The following TAF1 variants were observed in gnomAD, a reference collection of about 807,000 sequenced individuals.
TAF1 encodes TATA-box binding protein associated factor 1.
A neutral mutation model predicts 138.5 loss-of-function variants in TAF1; 2 were observed. The ratio of observed to expected loss-of-function variants is 0.01; its 90% CI spans 0.01 to 0.05. The LOEUF is 0.05. TAF1 is among the 10% of genes least tolerant of loss of function. The probability of loss-of-function intolerance (pLI) is 1.00; values close to 1 mark genes in which losing one functional copy is unlikely to be tolerated. For synonymous variants in TAF1, 437 were observed against 503.2 expected, an observed-to-expected ratio of 0.87 and a Z score of 1.76; for missense variants, 709 against 1,478.0, an observed-to-expected ratio of 0.48 and a Z score of 8.53.
chrX:71,396,480 A>G (rs1480797669), intron 22 of TAF1, among the ~76,000 whole-genome samples: 6 of 107,312 alleles, frequency 5.6e-5, no homozygotes, highest in African/African-American at 2.0e-4. Context: ...ATTTGTAGAG[A>G]CAGTGTCTTC....
chrX:71,380,810 C>G (rs111834675), intron 8 of TAF1, among the ~76,000 whole-genome samples: 1,243 of 111,703 alleles, frequency 0.011, 15 homozygotes, highest in South Asian at 0.027. Flanking sequence ...TGTGCTTCAG[C>G]CTCCCGAGTA....
At chrX:71,419,266 T>TA (rs888928068) in intron 28 of TAF1, among the ~76,000 whole-genome samples, 3 of 108,722 alleles carry the variant, frequency 2.8e-5, no homozygotes, top group African/African-American at 1.0e-4. Context: ...TCGCACGTAT[T>TA]AAAAAAAAAT....
intron 13 of TAF1, among the ~76,000 whole-genome samples, chrX:71,484,437 A>T (rs2147519297): frequency 9.3e-6 from 1 of 107,959 alleles, no homozygotes; most frequent in African/African-American, 3.4e-5. Flanking sequence ...GGTTCAAGTG[A>T]TTCTCCTGCC....
intron 37 of TAF1, chrX:71,461,031 A>G: frequency 7.1e-6 from 3 of 419,800 alleles, no homozygotes; most frequent in Non-Finnish European, 1.2e-5. Flanking sequence ...TACAAATACA[A>G]TGTGATAAGT....
intron 24 of TAF1, among the ~76,000 whole-genome samples, chrX:71,400,207 AG>A (rs2035105341): frequency 9.1e-6 from 1 of 109,470 alleles, no homozygotes; most frequent in Non-Finnish European, 1.9e-5. Context: ...TTCGTGCCTC[AG>A]CCTCCCGAGT....
intron 13 of TAF1, among the ~76,000 whole-genome samples, chrX:71,525,259 C>T (rs1602119178): frequency 1.8e-5 from 2 of 111,048 alleles, no homozygotes; most frequent in African/African-American, 6.6e-5. Context: ...CCAGGCTGAT[C>T]TGGAAACCCT....
intron 28 of TAF1, among the ~76,000 whole-genome samples, chrX:71,410,708 C>T (rs750289958): frequency 7.2e-5 from 8 of 110,575 alleles, no homozygotes; most frequent in Non-Finnish European, 1.1e-4. Context: ...CCACTCGCCT[C>T]GGCCTCCCAA....
At chrX:71,422,199 T>G (rs1378008460) in intron 29 of TAF1, among the ~76,000 whole-genome samples, 1 of 111,898 alleles carries the variant, frequency 8.9e-6, no homozygotes, top group Non-Finnish European at 1.9e-5. Context: ...AGATGTTTTT[T>G]TGTGTGTGTG....
Position 71,375,275 on chromosome X carries a change from C to T in TAF1, c.461C>T (p.Ser154Phe), listed in dbSNP as rs1288006620. ...ATGAAGAAGGATAAGGACCAGGATT[C>T]TATTACTGGTGGTAAGTAGAGATTG... Reference protein sequence around the residue: ...GPMKKDKDQDSITGVSENGEG... With the variant: ...GPMKKDKDQDFITGVSENGEG... Residue 154 changes from serine (S) to phenylalanine (F), a missense_variant, in exon 4 of 38, where the codon TCT becomes TTT. By Grantham distance (155) the Ser-to-Phe change is radical. This residue lies in a region of TAF1 where 123 missense variants were observed against 161.6 expected (regional missense o/e 0.76). Coordinates refer to ENST00000423759, the MANE Select transcript of TAF1 (RefSeq NM_004606.5). 1 of 1,208,633 alleles carries T rather than the reference C, an allele frequency of 8.3e-7. No individual in the cohort carries two copies. Among genetic ancestry groups the T allele is most frequent in the African/African-American group, 1.7e-5 (1 of 57,560 alleles).
chrX:71,378,964 T>C lies in TAF1; in HGVS notation c.1293T>C (p.Arg431=). 1 of 1,211,417 alleles carries C rather than the reference T, an allele frequency of 8.3e-7. No individual in the cohort carries two copies. The highest frequency in any genetic ancestry group is 3.0e-5 in the East Asian group (1 of 33,824). The stretch of plus-strand genomic sequence containing the variant: ...AACACAAAGGGACAAAACCTCAGCG[T>C]GCAAGCCTGGCAGGCTGGCTTCCTT... ...DVKHKGTKPQ[R]ASLAGWLPSS... The change falls in exon 8 of 38, where the codon CGT becomes CGC. Residue 431 remains arginine (R), a synonymous_variant. Transcript: ENST00000423759.
intron 32 of TAF1, among the ~76,000 whole-genome samples, chrX:71,433,561 G>A (rs747694957): frequency 2.7e-5 from 3 of 111,184 alleles, no homozygotes; most frequent in South Asian, 7.4e-4. Context: ...TGAGTATCCA[G>A]TGTTGCTAGA....
chrX:71,445,159 G>A (rs1008554433), intron 32 of TAF1, among the ~76,000 whole-genome samples: 2 of 109,774 alleles, frequency 1.8e-5, no homozygotes, highest in Non-Finnish European at 1.9e-5. Flanking sequence ...AATTAGGTGG[G>A]TGTGGTGGTG....
intron 13 of TAF1, among the ~76,000 whole-genome samples, chrX:71,502,828 C>T (rs1183757299): frequency 9.0e-6 from 1 of 110,504 alleles, no homozygotes; most frequent in Non-Finnish European, 1.9e-5. Context: ...GTTCCAGCTA[C>T]CTGGGAGGCT....
chrX:71,493,848 T>C (rs190458091), intron 13 of TAF1, among the ~76,000 whole-genome samples: 1 of 111,331 alleles, frequency 9.0e-6, no homozygotes, highest in East Asian at 2.8e-4. Flanking sequence ...ATTTTAAACA[T>C]TAGTTAGGCT....
chrX:71,434,519 A>G (rs771796793), intron 32 of TAF1, among the ~76,000 whole-genome samples: 1 of 112,006 alleles, frequency 8.9e-6, no homozygotes, highest in South Asian at 3.7e-4. Flanking sequence ...ACTATATTGT[A>G]TATAGCCAGA....
chrX:71,503,328 G>GTGTA (rs1205305561), intron 13 of TAF1, among the ~76,000 whole-genome samples: 17 of 88,814 alleles, frequency 1.9e-4, no homozygotes, highest in African/African-American at 7.9e-4. Context: ...ATATGTGTGT[G>GTGTA]TATATATATA....
At chrX:71,508,015 AATAG>A (rs1302013204) in intron 13 of TAF1, among the ~76,000 whole-genome samples, 9 of 104,293 alleles carry the variant, frequency 8.6e-5, no homozygotes, top group Non-Finnish European at 1.6e-4. Flanking sequence ...ATAATACATA[AATAG>A]ATAGATATAG....
intron 32 of TAF1, among the ~76,000 whole-genome samples, chrX:71,446,828 G>A (rs905238107): frequency 2.6e-4 from 29 of 111,927 alleles, no homozygotes; most frequent in Non-Finnish European, 1.9e-5. Context: ...TAGATTCTGA[G>A]TGAGATTATG....
rs188924127 is a variant in TAF1 at position 71,460,610 on chromosome X, C to G, written c.5222-16C>G. The G allele has an allele frequency of 3.3e-6, 4 of 1,207,748 alleles. No homozygotes were observed. The highest frequency in any genetic ancestry group is 2.2e-5 in the Admixed American group (1 of 45,458). On this transcript the variant is annotated splice_polypyrimidine_tract_variant and intron_variant, in intron 36 of 37. Transcript: ENST00000423759. ...AGCTTAACTCTTGATGACCCAGAAT[C>G]TGTCTCTTTTTACAGCTATCCAGCT...
Sources: allele counts gnomAD v4.1 joint callset (sites outside exome capture counted in the v4.1 genomes callset), GRCh38; gene constraint gnomAD v4.1.1; regional missense constraint gnomAD v4.1.1; transcripts MANE v1.5; gene names NCBI Gene and HGNC (gene_info 2026-07-23, HGNC 2026-07-21).